Variants in LRRC4C observed in about 807,000 individuals in gnomAD.
LRRC4C encodes the protein leucine rich repeat containing 4C, also known as leucine-rich repeat-containing protein 4C.
Under a neutral mutation model 33.6 loss-of-function variants are expected in LRRC4C, and 5 were observed. The ratio of observed to expected loss-of-function variants is 0.15; its 90% CI spans 0.08 to 0.31. The LOEUF is 0.31. Among genes scored for constraint, LRRC4C ranks in the 10% least tolerant of loss-of-function variants. The pLI, the probability that LRRC4C is intolerant of heterozygous loss-of-function variation, is 1.00. For synonymous variants in LRRC4C, 329 were observed against 302.0 expected (o/e 1.09, Z -0.93); for missense variants, 560 against 796.7 (o/e 0.70, Z 3.58).
intron 5 of LRRC4C, among the ~76,000 whole-genome samples, chr11:40,215,708 G>T (rs79797607): frequency 6.6e-6 from 1 of 152,182 alleles, no homozygotes; most frequent in Non-Finnish European, 1.5e-5. Context: ...CATGCCCTTG[G>T]TCTTGACTGC....
intron 3 of LRRC4C, among the ~76,000 whole-genome samples, chr11:40,346,952 C>A (rs923746423): frequency 6.6e-6 from 1 of 152,150 alleles, no homozygotes; most frequent in African/African-American, 2.4e-5. Context: ...TCTTAAGGGT[C>A]CTAGGATCTG....
At chr11:40,311,070 C>T (rs909930153) in intron 4 of LRRC4C, among the ~76,000 whole-genome samples, 1 of 152,184 alleles carries the variant, frequency 6.6e-6, no homozygotes, top group South Asian at 2.1e-4. Context: ...ATATTCTGTG[C>T]AACCATACTT....
chr11:40,666,513 T>C (rs2136244205), intron 2 of LRRC4C, among the ~76,000 whole-genome samples: 1 of 152,230 alleles, frequency 6.6e-6, no homozygotes, highest in Non-Finnish European at 1.5e-5. Context: ...GCATATCTGA[T>C]TGGTGGGTAC....
chr11:40,549,830 T>A (rs1957066852), intron 3 of LRRC4C, among the ~76,000 whole-genome samples: 2 of 149,078 alleles, frequency 1.3e-5, no homozygotes, highest in Non-Finnish European at 3.0e-5. Flanking sequence ...TGGTGTTGAA[T>A]CTATTGCATT....
chr11:41,249,543 C>A (rs1948571560), intron 1 of LRRC4C, among the ~76,000 whole-genome samples: 1 of 152,156 alleles, frequency 6.6e-6, no homozygotes. Context: ...TAGCATCCTA[C>A]CTTTTTGACT....
At chr11:40,959,846 C>T (rs1000534033) in intron 1 of LRRC4C, among the ~76,000 whole-genome samples, 1 of 151,600 alleles carries the variant, frequency 6.6e-6, no homozygotes, top group Non-Finnish European at 1.5e-5. Context: ...GCTCAACACC[C>T]AACAAAAACC....
chr11:40,655,919 G>A (rs996723111), intron 2 of LRRC4C, among the ~76,000 whole-genome samples: 2 of 152,252 alleles, frequency 1.3e-5, no homozygotes, highest in Non-Finnish European at 1.5e-5. Flanking sequence ...GGCAGAAGGA[G>A]GAAGAGATAG....
intron 1 of LRRC4C, among the ~76,000 whole-genome samples, chr11:40,972,769 C>A (rs1032543634): frequency 1.3e-5 from 2 of 152,154 alleles, no homozygotes; most frequent in African/African-American, 4.8e-5. Context: ...GATATAATCA[C>A]TTCCCACAGG....
intron 3 of LRRC4C, among the ~76,000 whole-genome samples, chr11:40,639,347 T>G (rs1226868903): frequency 6.6e-6 from 1 of 152,222 alleles, no homozygotes; most frequent in Non-Finnish European, 1.5e-5. Flanking sequence ...TACACTTCTC[T>G]TCCCAACTCA....
At chr11:40,118,002 AT>A (rs1427091659) in intron 6 of LRRC4C, among the ~76,000 whole-genome samples, 6 of 149,464 alleles carry the variant, frequency 4.0e-5, no homozygotes, top group Admixed American at 1.3e-4. Flanking sequence ...TATTAAAAAT[AT>A]TTTTAATATT....
intron 1 of LRRC4C, among the ~76,000 whole-genome samples, chr11:41,386,627 G>T (rs1293171511): frequency 6.6e-6 from 1 of 151,684 alleles, no homozygotes; most frequent in East Asian, 1.9e-4. Context: ...CATTCATTGT[G>T]CCTACCATGT....
At chr11:40,306,941 G>T (rs560632748) in intron 4 of LRRC4C, among the ~76,000 whole-genome samples, 37 of 146,994 alleles carry the variant, frequency 2.5e-4, no homozygotes, top group African/African-American at 8.1e-4. Context: ...AGGTTATCTG[G>T]TTTTTTTTTT....
At chr11:40,490,344 A>G (rs1345659813) in intron 3 of LRRC4C, among the ~76,000 whole-genome samples, 1 of 152,098 alleles carries the variant, frequency 6.6e-6, no homozygotes, top group Non-Finnish European at 1.5e-5. Flanking sequence ...ACCTTATATT[A>G]GTGGACACTG....
intron 2 of LRRC4C, among the ~76,000 whole-genome samples, chr11:40,883,761 A>G (rs1955299070): frequency 6.6e-6 from 1 of 152,078 alleles, no homozygotes; most frequent in Admixed American, 6.6e-5. Flanking sequence ...AACATGTTAT[A>G]AACATGGAAT....
chr11:40,917,176 T>C (rs1392992137), intron 2 of LRRC4C, among the ~76,000 whole-genome samples: 1 of 152,166 alleles, frequency 6.6e-6, no homozygotes, highest in African/African-American at 2.4e-5. Flanking sequence ...TTTTCATTTG[T>C]AAGTTCCAAA....
At chr11:40,914,688 T>C (rs1956862921) in intron 2 of LRRC4C, among the ~76,000 whole-genome samples, 1 of 152,146 alleles carries the variant, frequency 6.6e-6, no homozygotes, top group Non-Finnish European at 1.5e-5. Context: ...GTGTTGGAAG[T>C]TCTGGCCAGG....
intron 1 of LRRC4C, among the ~76,000 whole-genome samples, chr11:41,280,339 G>A (rs899449699): frequency 6.8e-6 from 1 of 147,230 alleles, no homozygotes; most frequent in Non-Finnish European, 1.5e-5. Flanking sequence ...TTTCCTAGAT[G>A]GGTCAAGTAG....
At chr11:40,458,960 C>G (rs902781917) in intron 3 of LRRC4C, among the ~76,000 whole-genome samples, 1 of 151,726 alleles carries the variant, frequency 6.6e-6, no homozygotes, top group African/African-American at 2.4e-5. Context: ...ATAAAAAAAG[C>G]CTAGATAAGC....
intron 1 of LRRC4C, among the ~76,000 whole-genome samples, chr11:40,976,912 TG>T (rs1358890909): frequency 6.6e-6 from 1 of 152,080 alleles, no homozygotes; most frequent in Non-Finnish European, 1.5e-5. Context: ...AATTTTGCAC[TG>T]TATTTCTAAT....
Sources: gnomAD v4.1 joint callset for allele counts (sites outside exome capture counted in the v4.1 genomes callset) on GRCh38, gnomAD v4.1.1 for gene constraint, MANE v1.5 for transcripts, NCBI Gene and HGNC (gene_info 2026-07-23, HGNC 2026-07-21) for gene names.